CEP126: variants seen among roughly 807,000 people sequenced by gnomAD.
The protein encoded by CEP126 is centrosomal protein 126.
CEP126 carries 74 observed loss-of-function variants against 107.8 expected under a neutral mutation model. That is an observed-to-expected ratio of 0.69 (90% CI 0.57 to 0.83). CEP126 has a LOEUF of 0.83. CEP126 is among the 40% of genes least tolerant of loss of function. The pLI is 0.00. For missense variants in CEP126, 1,237 were observed against 1,281.9 expected, an observed-to-expected ratio of 0.96 and a Z score of 0.53; for synonymous variants, 449 against 446.0, an observed-to-expected ratio of 1.01 and a Z score of -0.08.
At chr11:101,951,469 C>T (rs1940811683) in intron 4 of CEP126, among the ~76,000 whole-genome samples, 1 of 151,776 alleles carries the variant, frequency 6.6e-6, no homozygotes, top group African/African-American at 2.4e-5. Context: ...TATGATCACA[C>T]CACTGCACTC....
At chr11:101,984,547 A>G (rs1335853389) in intron 8 of CEP126, among the ~76,000 whole-genome samples, 2 of 152,236 alleles carry the variant, frequency 1.3e-5, no homozygotes. Flanking sequence ...TGATTGTGAT[A>G]ATAGTGATGA....
intron 6 of CEP126, among the ~76,000 whole-genome samples, chr11:101,978,039 G>A (rs1415019422): frequency 1.3e-5 from 2 of 152,078 alleles, no homozygotes; most frequent in Admixed American, 1.3e-4. Context: ...AATATGAATT[G>A]GAATTCTAAT....
chr11:101,940,425 AAATGTT>A (rs1313772498), intron 2 of CEP126, among the ~76,000 whole-genome samples: 1 of 152,262 alleles, frequency 6.6e-6, no homozygotes, highest in Admixed American at 6.5e-5. Context: ...TCTACTAAAT[AAATGTT>A]AACTGGTTTT....
intron 6 of CEP126, among the ~76,000 whole-genome samples, chr11:101,969,743 AT>A (rs1339460644): frequency 6.6e-6 from 1 of 152,234 alleles, no homozygotes; most frequent in Admixed American, 6.5e-5. Flanking sequence ...ACAATATGGC[AT>A]TTTTACAGGA....
chr11:101,932,366 A>G (rs1037702531), intron 2 of CEP126, among the ~76,000 whole-genome samples: 1 of 152,168 alleles, frequency 6.6e-6, no homozygotes, highest in African/African-American at 2.4e-5. Context: ...TATTTTCTAC[A>G]GTCCCAGAAA....
Position 101,961,815 on chromosome 11 carries a change from G to A in CEP126, c.780G>A (p.Glu260=), listed in dbSNP as rs755212069. Reference sequence around the variant, plus strand: ...GTATAGACAGTCTTGAGGCTACAGAGCATGAAGAAATATATTTAACACTTA... The same window carrying A: ...GTATAGACAGTCTTGAGGCTACAGAACATGAAGAAATATATTTAACACTTA... ...LSSIDSLEAT[E]HEEIYLTLNK... Residue 260 remains glutamate (E), a synonymous_variant, in exon 6 of 11, where the codon GAG becomes GAA. Coordinates refer to ENST00000263468, the MANE Select transcript of CEP126 (RefSeq NM_020802.4). 3 of 1,610,014 alleles carry A rather than the reference G, an allele frequency of 1.9e-6. No homozygotes were observed. Among genetic ancestry groups the A allele is most frequent in the African/African-American group, 2.7e-5 (2 of 74,792 alleles).
rs775856264 is a variant in CEP126, at chr11:101,987,058, A to C, written c.3244+17A>C. On this transcript the variant is annotated intron_variant, in intron 9 of 10. Transcript: ENST00000263468. ...GACTACATTGTAAGTATGGAAGAAC[A>C]CCTTTTATAAGAAATACTGCATTTA... The C allele has an allele frequency of 1.8e-5, 27 of 1,481,394 alleles. 1 individual carries two copies. In the African/African-American group the frequency reaches 3.3e-4, roughly 18 times the overall value. 91.8% of individuals were successfully genotyped at this position (1,481,394 alleles called of 1,614,324 possible). A position where few individuals can be genotyped will look rare whatever the true frequency, so the allele number is the denominator to read the frequency against.
chr11:101,963,369 C>G lies in CEP126; in HGVS notation c.2334C>G (p.Val778=). ...GFICTNRKGA[V]IQPQSASKVN... ...TATGTACAAACAGAAAAGGCGCTGT[C>G]ATTCAACCACAGTCTGCAAGCAAAG... The change falls in exon 6 of 11, where the codon GTC becomes GTG. Residue 778 remains valine, a synonymous_variant. Coordinates refer to ENST00000263468, the MANE Select transcript of CEP126 (RefSeq NM_020802.4). The G allele has an allele frequency of 6.2e-7, 1 of 1,614,126 alleles. No individual in the cohort carries two copies. Among genetic ancestry groups the G allele is most frequent in the Non-Finnish European group, 8.5e-7 (1 of 1,180,018 alleles).
At chr11:101,918,261 A>G (rs747049560) in intron 1 of CEP126, among the ~76,000 whole-genome samples, 108 of 152,258 alleles carry the variant, frequency 7.1e-4, no homozygotes, top group Non-Finnish European at 1.2e-3. Context: ...CAGCCTGGGC[A>G]ACGTGGTGAA....
chr11:101,965,854 C>A (rs1356529039), intron 6 of CEP126, among the ~76,000 whole-genome samples: 1 of 152,102 alleles, frequency 6.6e-6, no homozygotes, highest in Non-Finnish European at 1.5e-5. Context: ...ATCCAGATCT[C>A]TATGGTTCCA....
chr11:101,996,906 T>G (rs1393297354), intron 10 of CEP126, among the ~76,000 whole-genome samples: 1 of 152,220 alleles, frequency 6.6e-6, no homozygotes, highest in Non-Finnish European at 1.5e-5. Context: ...AGAACTCCCA[T>G]TTCTGCTATA....
intron 3 of CEP126, among the ~76,000 whole-genome samples, chr11:101,946,603 G>A (rs754219333): frequency 3.9e-5 from 6 of 152,142 alleles, no homozygotes; most frequent in Non-Finnish European, 8.8e-5. Context: ...GCTCATACCT[G>A]TAATCCCAGC....
At chr11:101,939,457 A>G (rs1383092742) in intron 2 of CEP126, among the ~76,000 whole-genome samples, 1 of 152,180 alleles carries the variant, frequency 6.6e-6, no homozygotes, top group East Asian at 1.9e-4. Context: ...AAATTTCTCA[A>G]GCTTTTCCAT....
Position 101,962,260 on chromosome 11 carries a change from G to A in CEP126, c.1225G>A (p.Val409Ile), listed in dbSNP as rs763414045. Residue 409 changes from valine to isoleucine, a missense_variant, in exon 6 of 11, where the codon GTT becomes ATT. Val to Ile is a conservative substitution (Grantham distance 29, BLOSUM62 3). Around this residue, in one of 3 missense-constraint regions of CEP126, gnomAD observed 1,134 missense variants for 1,150.5 expected, o/e 0.99. Coordinates refer to ENST00000263468, the MANE Select transcript of CEP126 (RefSeq NM_020802.4). ...AGCATTCAAAAGAGAGAGACCATTA[G>A]TTACTGAGAGCCCAACATTTAAATT... ...SGAFKRERPL[V>I]TESPTFKFSK... 3.1e-6 allele frequency: 5 copies of A among 1,613,888 alleles called. No individual in the cohort carries two copies. The African/African-American group carries it at 5.3e-5, about 17-fold the overall frequency.
chr11:101,957,391 C>A lies in CEP126; in HGVS notation c.507-777C>A, dbSNP rs139131169. 3.4e-3 allele frequency among the ~76,000 whole-genome samples: 525 copies of A among 152,324 alleles called. 2 individuals are homozygous for A. The highest frequency in any genetic ancestry group is 0.011 in the African/African-American group (446 of 41,570). ...ATCCCCATCCTATCCTCCCCCAAAACTCTTCTTTAGTTCTTTGCTTTCACT... is the reference window on the plus strand; with the variant it reads ...ATCCCCATCCTATCCTCCCCCAAAAATCTTCTTTAGTTCTTTGCTTTCACT... On this transcript the variant is annotated intron_variant, in intron 4 of 10. Transcript: ENST00000263468.
intron 1 of CEP126, 53 bp from the exon 2 acceptor site, chr11:101,922,588 C>CAGTCA (rs1940346158): frequency 7.1e-7 from 1 of 1,403,206 alleles, no homozygotes; most frequent in African/African-American, 1.4e-5. Context: ...ATAGCACTGA[C>CAGTCA]AGTCATCCAC....
chr11:101,972,468 T>C (rs925545621), intron 6 of CEP126, among the ~76,000 whole-genome samples: 1 of 150,658 alleles, frequency 6.6e-6, no homozygotes, highest in Admixed American at 6.6e-5. Flanking sequence ...TTCTTCCCAA[T>C]TGCATCCCCT....
rs1328987854 is a variant in CEP126, at chr11:101,961,899, G to T, written c.864G>T (p.Met288Ile). ...RNTISLKPAN[M>I]QSTNLSCFDE... ...CCATTTCCCTCAAACCAGCAAATAT[G>T]CAATCAACTAATCTCAGCTGCTTTG... Residue 288 changes from methionine to isoleucine, a missense_variant, in exon 6 of 11, where the codon ATG becomes ATT. Transcript: ENST00000263468. 1.9e-6 allele frequency: 3 copies of T among 1,613,102 alleles called. No individual in the cohort carries two copies. The East Asian group carries it at 6.7e-5, about 36-fold the overall frequency.
At chr11:101,944,035 G>A (rs1161720987) in intron 2 of CEP126, among the ~76,000 whole-genome samples, 1 of 152,074 alleles carries the variant, frequency 6.6e-6, no homozygotes, top group African/African-American at 2.4e-5. Flanking sequence ...AGAAAGGGCT[G>A]CATTAGAGAA....
Sources: allele counts gnomAD v4.1 joint callset (sites outside exome capture counted in the v4.1 genomes callset), GRCh38; gene constraint gnomAD v4.1.1; regional missense constraint gnomAD v4.1.1; transcripts MANE v1.5; gene names NCBI Gene and HGNC (gene_info 2026-07-23, HGNC 2026-07-21).